The following PTCHD4 variants were observed in gnomAD, a reference collection of about 807,000 sequenced individuals.
PTCHD4 encodes the protein patched domain containing 4, also known as patched domain-containing protein 4.
A neutral mutation model predicts 58.1 loss-of-function variants in PTCHD4; 33 were observed. That is an observed-to-expected ratio of 0.57 (90% CI 0.43 to 0.76). PTCHD4 has a LOEUF of 0.76. Among genes scored for constraint, PTCHD4 ranks in the 30% least tolerant of loss-of-function variants. The probability of loss-of-function intolerance (pLI) is 0.00; values close to 1 mark genes in which losing one functional copy is unlikely to be tolerated. For synonymous variants in PTCHD4, 478 were observed against 409.6 expected (o/e 1.17, Z -2.02); for missense variants, 1,058 against 1,027.1 (o/e 1.03, Z -0.41).
intron 1 of PTCHD4, among the ~76,000 whole-genome samples, chr6:48,095,998 G>GT (rs1765463658): frequency 6.6e-6 from 1 of 152,136 alleles, no homozygotes; most frequent in Non-Finnish European, 1.5e-5. Context: ...ATTTTTGTTG[G>GT]TACTGTGCCA....
intron 3 of PTCHD4, among the ~76,000 whole-genome samples, chr6:48,054,611 T>C (rs1400078555): frequency 6.6e-6 from 1 of 152,148 alleles, no homozygotes; most frequent in African/African-American, 2.4e-5. Context: ...GCCCCAGAAG[T>C]ATTCTAAAGT....
At chr6:47,882,291 T>C (rs950057333) in intron 4 of PTCHD4, among the ~76,000 whole-genome samples, 2 of 152,088 alleles carry the variant, frequency 1.3e-5, no homozygotes, top group Non-Finnish European at 2.9e-5. Context: ...AGGTACACTA[T>C]GTAGGCCAGA....
intron 1 of PTCHD4, among the ~76,000 whole-genome samples, chr6:48,103,124 G>C (rs1455890701): frequency 1.3e-5 from 2 of 152,200 alleles, no homozygotes; most frequent in East Asian, 1.9e-4. Flanking sequence ...CCAGCATGCA[G>C]CTTGAGATCT....
intron 4 of PTCHD4, among the ~76,000 whole-genome samples, chr6:47,921,867 T>G (rs1320367125): frequency 6.6e-6 from 1 of 151,170 alleles, no homozygotes; most frequent in African/African-American, 2.4e-5. Flanking sequence ...TTCCAGCACT[T>G]TGGGAGGCTG....
At chr6:47,968,581 C>A (rs954733286) in intron 4 of PTCHD4, among the ~76,000 whole-genome samples, 1 of 152,160 alleles carries the variant, frequency 6.6e-6, no homozygotes, top group Non-Finnish European at 1.5e-5. Context: ...GTAAATAAGC[C>A]TTTGGCCACT....
chr6:48,003,883 T>A (rs977898603), intron 4 of PTCHD4, among the ~76,000 whole-genome samples: 4 of 152,210 alleles, frequency 2.6e-5, no homozygotes, highest in African/African-American at 9.6e-5. Flanking sequence ...CATATATTTC[T>A]CTCTGCCAGA....
In PTCHD4 at chr6:47,949,896, A is replaced by ATTT. The variant is rs944712888; in HGVS notation, c.898+58737_898+58738insAAA. On this transcript the variant is annotated intron_variant, in intron 4 of 4. Transcript: ENST00000339488. The stretch of plus-strand genomic sequence containing the variant: ...TTTTTTTTTTAATTTTATTATTATT[A>ATTT]TACTTTAAGTTTTAGGGTATATGTG... Among the ~76,000 whole-genome samples, 8 of 151,560 alleles carry ATTT rather than the reference A, an allele frequency of 5.3e-5. 1 individual carries two copies. Among genetic ancestry groups the ATTT allele is most frequent in the Admixed American group, 3.9e-4 (6 of 15,210 alleles).
chr6:47,983,164 G>A (rs1215604634), intron 4 of PTCHD4, among the ~76,000 whole-genome samples: 1 of 152,042 alleles, frequency 6.6e-6, no homozygotes, highest in Non-Finnish European at 1.5e-5. Flanking sequence ...TCAAGCTGAA[G>A]GGAAGAAAAC....
chr6:47,938,857 G>A (rs757106136), intron 4 of PTCHD4, among the ~76,000 whole-genome samples: 2 of 152,090 alleles, frequency 1.3e-5, no homozygotes, highest in Non-Finnish European at 2.9e-5. Context: ...TAACAATGAA[G>A]TTTAAGCTAC....
intron 4 of PTCHD4, among the ~76,000 whole-genome samples, chr6:47,941,808 T>C (rs765125622): frequency 7.2e-5 from 11 of 152,230 alleles, no homozygotes; most frequent in Non-Finnish European, 1.5e-4. Context: ...ATATGTTTAC[T>C]ACTAAGATTT....
chr6:47,960,629 A>G (rs1767047165), intron 4 of PTCHD4, among the ~76,000 whole-genome samples: 1 of 152,126 alleles, frequency 6.6e-6, no homozygotes, highest in Non-Finnish European at 1.5e-5. Context: ...TTTCTTAATT[A>G]TTCCTGCAAT....
At chr6:47,974,794 C>T (rs193293193) in intron 4 of PTCHD4, among the ~76,000 whole-genome samples, 196 of 152,204 alleles carry the variant, frequency 1.3e-3, no homozygotes, top group Admixed American at 2.6e-3. Context: ...TATTTGCTGA[C>T]CACAAATTAT....
At chr6:48,045,834 G>T (rs769603337) in intron 3 of PTCHD4, among the ~76,000 whole-genome samples, 1 of 148,460 alleles carries the variant, frequency 6.7e-6, no homozygotes, top group African/African-American at 2.5e-5. Flanking sequence ...TGACTTTAAC[G>T]CATCTTCATT....
chr6:47,880,070 G>T, intron 4 of PTCHD4, 134 bp from the exon 5 acceptor site: 1 of 723,898 alleles, frequency 1.4e-6, no homozygotes. Context: ...TCCTATCAGG[G>T]CCTCAAAAGT....
intron 4 of PTCHD4, among the ~76,000 whole-genome samples, chr6:47,921,319 T>A (rs1465947723): frequency 6.6e-6 from 1 of 152,200 alleles, no homozygotes; most frequent in Non-Finnish European, 1.5e-5. Context: ...TCCTATTTGC[T>A]ATCCACTTAT....
intron 4 of PTCHD4, among the ~76,000 whole-genome samples, chr6:47,954,255 G>C (rs536450514): frequency 1.3e-5 from 2 of 152,278 alleles, no homozygotes; most frequent in Admixed American, 1.3e-4. Flanking sequence ...TACTCTGGAG[G>C]CTGAGGCACA....
intron 1 of PTCHD4, among the ~76,000 whole-genome samples, chr6:48,108,722 T>G (rs1397285420): frequency 6.6e-6 from 1 of 151,996 alleles, no homozygotes; most frequent in Non-Finnish European, 1.5e-5. Flanking sequence ...AATAATAGAT[T>G]AAACCTTTAA....
At chr6:47,949,259 G>C (rs540109553) in intron 4 of PTCHD4, among the ~76,000 whole-genome samples, 13 of 152,264 alleles carry the variant, frequency 8.5e-5, no homozygotes, top group Non-Finnish European at 1.5e-4. Context: ...AAGGTTTGAG[G>C]GAAATGCAAG....
At chr6:47,993,579 T>C (rs925969342) in intron 4 of PTCHD4, among the ~76,000 whole-genome samples, 3 of 152,208 alleles carry the variant, frequency 2.0e-5, no homozygotes, top group African/African-American at 7.2e-5. Flanking sequence ...AGGTGTCAGT[T>C]GATATTCAAA....
Sources: gnomAD v4.1 joint callset for allele counts (sites outside exome capture counted in the v4.1 genomes callset) on GRCh38, gnomAD v4.1.1 for gene constraint, MANE v1.5 for transcripts, NCBI Gene and HGNC (gene_info 2026-07-23, HGNC 2026-07-21) for gene names.